PPP2R2B: variants seen among roughly 807,000 people sequenced by gnomAD.
PPP2R2B encodes the protein serine/threonine-protein phosphatase 2A 55 kDa regulatory subunit B beta isoform.
Under a neutral mutation model 46.0 loss-of-function variants are expected in PPP2R2B, and 5 were observed. That is an observed-to-expected ratio of 0.11 (90% CI 0.06 to 0.23). PPP2R2B has a LOEUF of 0.23. Ranked by LOEUF, PPP2R2B falls within the 10% of genes least tolerant of loss-of-function variation. The probability of loss-of-function intolerance (pLI) is 1.00; values close to 1 mark genes in which losing one functional copy is unlikely to be tolerated. For missense variants in PPP2R2B, 367 were observed against 575.0 expected, an observed-to-expected ratio of 0.64 and a Z score of 3.70; for synonymous variants, 215 against 206.7, an observed-to-expected ratio of 1.04 and a Z score of -0.34.
chr5:146,660,308 A>G (rs966140008), intron 5 of PPP2R2B, among the ~76,000 whole-genome samples: 6 of 152,230 alleles, frequency 3.9e-5, no homozygotes, highest in African/African-American at 1.4e-4. Flanking sequence ...TTTTCATTTT[A>G]AAAAATATGC....
chr5:146,913,072 C>T (rs1763250791), intron 1 of PPP2R2B, among the ~76,000 whole-genome samples: 1 of 152,150 alleles, frequency 6.6e-6, no homozygotes, highest in Non-Finnish European at 1.5e-5. Context: ...TTTTGGAATG[C>T]AGCTGTCCTC....
rs562314359 is a variant in PPP2R2B at position 146,736,208 on chromosome 5, C to T, written c.71-35066G>A. On this transcript the variant is annotated intron_variant, in intron 2 of 9. Coordinates refer to ENST00000394411, the MANE Select transcript of PPP2R2B (RefSeq NM_181675.4). ...GATGTGTTTGCTTCCCCTTTTGACA[C>T]GATTTTAAGTTTCCTGAGGCCTCCC... is the stretch of plus-strand genomic sequence containing the variant. Among the ~76,000 whole-genome samples, 5 of 152,250 alleles carry T rather than the reference C, an allele frequency of 3.3e-5. 1 individual carries two copies. The highest frequency in any genetic ancestry group is 4.1e-4 in the South Asian group (2 of 4,824).
At position 146,589,605 on chromosome 5, in the gene PPP2R2B, A is replaced by AGAC. The variant is rs1318934429; in HGVS notation, c.*339_*341dup. The AGAC allele has an allele frequency of 4.6e-6, 1 of 215,980 alleles. No homozygotes were observed. The highest frequency in any genetic ancestry group is 1.0e-4 in the East Asian group (1 of 9,546). The allele number at this position is 215,980 out of a possible 1,614,324, so 13.4% of individuals were successfully genotyped here. On this transcript the variant is annotated 3_prime_UTR_variant, in exon 10 of 10. Transcript: ENST00000394411. ...TATCTCTTTTCTCCTTAAATACTACAGACAACCTCATTTTATCGCAGCAGA... is the reference window on the plus strand; with the variant it reads ...TATCTCTTTTCTCCTTAAATACTACAGACGACAACCTCATTTTATCGCAGCAGA...
intron 1 of PPP2R2B, among the ~76,000 whole-genome samples, chr5:147,034,418 C>T (rs1039914313): frequency 6.6e-6 from 1 of 152,036 alleles, no homozygotes; most frequent in African/African-American, 2.4e-5. Flanking sequence ...AATAGTGACC[C>T]ATAATAAAAT....
intron 2 of PPP2R2B, among the ~76,000 whole-genome samples, chr5:146,819,407 G>C (rs1758123341): frequency 6.6e-6 from 1 of 152,158 alleles, no homozygotes; most frequent in South Asian, 2.1e-4. Context: ...TGGGATGGGA[G>C]TATGCAGAGA....
At chr5:146,927,737 C>CTT (rs1203303963) in intron 1 of PPP2R2B, among the ~76,000 whole-genome samples, 3 of 142,494 alleles carry the variant, frequency 2.1e-5, no homozygotes, top group Non-Finnish European at 3.1e-5. Context: ...ATACTTTCTT[C>CTT]TTTTTTTTTT....
intron 9 of PPP2R2B, among the ~76,000 whole-genome samples, chr5:146,590,693 C>T (rs1157859207): frequency 2.6e-5 from 4 of 152,118 alleles, no homozygotes; most frequent in Non-Finnish European, 4.4e-5. Context: ...CGTCTGGCCT[C>T]TAAGGCTTCA....
chr5:146,698,183 C>T (rs1470137485), intron 3 of PPP2R2B, 39 bp from the exon 4 acceptor site: 1 of 1,509,464 alleles, frequency 6.6e-7, no homozygotes, highest in East Asian at 2.4e-5. Flanking sequence ...GATTAAATCA[C>T]AGTAGCCAAC....
At chr5:146,702,748 A>G (rs1025658576) in intron 2 of PPP2R2B, among the ~76,000 whole-genome samples, 3 of 152,246 alleles carry the variant, frequency 2.0e-5, no homozygotes, top group African/African-American at 7.2e-5. Context: ...GTGGGTTATC[A>G]GTTTATGACT....
At chr5:146,963,772 A>G (rs1005956463) in intron 1 of PPP2R2B, among the ~76,000 whole-genome samples, 1 of 152,186 alleles carries the variant, frequency 6.6e-6, no homozygotes, top group African/African-American at 2.4e-5. Context: ...ATTCAAATCC[A>G]TATTGGTCTG....
chr5:147,041,351 G>C (rs1756288469), intron 1 of PPP2R2B, among the ~76,000 whole-genome samples: 1 of 152,252 alleles, frequency 6.6e-6, no homozygotes, highest in South Asian at 2.1e-4. Context: ...TTGTTCCTTT[G>C]CTTCTGAGTT....
At chr5:146,999,457 G>A (rs550189522) in intron 1 of PPP2R2B, among the ~76,000 whole-genome samples, 5 of 152,158 alleles carry the variant, frequency 3.3e-5, no homozygotes, top group Admixed American at 6.5e-5. Context: ...CAATACTCAA[G>A]GCCTATCCCC....
chr5:146,778,707 T>C (rs1191981780), intron 2 of PPP2R2B, among the ~76,000 whole-genome samples: 1 of 152,188 alleles, frequency 6.6e-6, no homozygotes, highest in African/African-American at 2.4e-5. Flanking sequence ...GGTCAGTGAC[T>C]CAAATTTATA....
intron 1 of PPP2R2B, among the ~76,000 whole-genome samples, chr5:146,930,516 A>G (rs1480011335): frequency 1.3e-5 from 2 of 152,144 alleles, no homozygotes; most frequent in Non-Finnish European, 2.9e-5. Context: ...CTGGATGGGA[A>G]GAGAGAGGCA....
intron 7 of PPP2R2B, among the ~76,000 whole-genome samples, chr5:146,635,924 C>T (rs753365628): frequency 2.0e-5 from 3 of 152,222 alleles, no homozygotes; most frequent in African/African-American, 4.8e-5. Context: ...CATATCACGT[C>T]CATGTATGAC....
chr5:146,826,074 A>ATT (rs1352488977), intron 2 of PPP2R2B, among the ~76,000 whole-genome samples: 3 of 152,196 alleles, frequency 2.0e-5, no homozygotes, highest in Admixed American at 6.5e-5. Context: ...TAATTCAAAG[A>ATT]TTAATACCCA....
intron 5 of PPP2R2B, among the ~76,000 whole-genome samples, chr5:146,686,534 AT>A (rs1344785803): frequency 6.6e-6 from 1 of 152,358 alleles, no homozygotes; most frequent in East Asian, 1.9e-4. Flanking sequence ...TACCTGGCAC[AT>A]AGTAAGCACT....
rs893596882 is a variant in PPP2R2B, at chr5:146,833,754, C to G, written c.70+44248G>C. 3.3e-5 allele frequency among the ~76,000 whole-genome samples: 5 copies of G among 151,786 alleles called. No individual in the cohort carries two copies. In the East Asian group the frequency reaches 9.7e-4, roughly 29 times the overall value. On this transcript the variant is annotated intron_variant, in intron 2 of 9. Coordinates refer to ENST00000394411, the MANE Select transcript of PPP2R2B (RefSeq NM_181675.4). ...CCCTGCCCTTCCCCATCCCATCCTC[C>G]TCCCCCACCCCCAGCTGCACAGCTG...
At chr5:146,790,390 T>C (rs1436487523) in intron 2 of PPP2R2B, among the ~76,000 whole-genome samples, 1 of 151,368 alleles carries the variant, frequency 6.6e-6, no homozygotes, top group Non-Finnish European at 1.5e-5. Context: ...TTAGAAAGAG[T>C]TGTTATTTGG....
Sources: gnomAD v4.1 joint callset for allele counts (sites outside exome capture counted in the v4.1 genomes callset) on GRCh38, gnomAD v4.1.1 for gene constraint, MANE v1.5 for transcripts, NCBI Gene and HGNC (gene_info 2026-07-23, HGNC 2026-07-21) for gene names.